GATA4: variants seen among roughly 807,000 people sequenced by gnomAD.
The protein encoded by GATA4 is GATA binding protein 4, also known as transcription factor GATA-4.
GATA4 carries 7 observed loss-of-function variants against 37.9 expected under a neutral mutation model. That is an observed-to-expected ratio of 0.18 (90% CI 0.11 to 0.35). The LOEUF is 0.35. Among genes scored for constraint, GATA4 ranks in the 10% least tolerant of loss-of-function variants. The pLI is 1.00. For missense variants in GATA4, 647 were observed against 653.0 expected (o/e 0.99, Z 0.10); for synonymous variants, 372 against 292.6 (o/e 1.27, Z -2.77).
At chr8:11,711,637 A>G (rs1005524159) in intron 2 of GATA4, among the ~76,000 whole-genome samples, 20 of 150,756 alleles carry the variant, frequency 1.3e-4, no homozygotes, top group African/African-American at 4.9e-4. Flanking sequence ...AAAATTAGCC[A>G]GGCTTGGGGT....
In GATA4 at chr8:11,708,162, A is replaced by T; in HGVS notation, c.-151A>T. On this transcript the variant is annotated 5_prime_UTR_variant, in exon 2 of 7. The change abolishes the stop of an existing upstream ORF in the 5' untranslated region. Transcript: ENST00000532059. This position sits in a 1 kb window ranked among gnomAD's most constrained non-coding sequence, Gnocchi z 6.7. ...CTGGATTTAATACGTATATATTTTT[A>T]AGCGAGTTGGTTTTTTCCCCTTTGA... The T allele has an allele frequency of 1.2e-6, 1 of 836,718 alleles. No individual in the cohort carries two copies. The highest frequency in any genetic ancestry group is 2.0e-6 in the Non-Finnish European group (1 of 511,102). 51.8% of individuals were successfully genotyped at this position (836,718 alleles called of 1,614,324 possible).
rs549680863 is a variant in GATA4, at chr8:11,741,511, G to A, written c.617-7405G>A. The stretch of plus-strand genomic sequence containing the variant: ...AAACAAACAAAAAAAGTCCCTGTGA[G>A]AGCAATGCAACAGTCCACAAGTTCG... On this transcript the variant is annotated intron_variant, in intron 2 of 6. Transcript: ENST00000532059. 2.5e-3 allele frequency among the ~76,000 whole-genome samples: 378 copies of A among 152,110 alleles called. 1 individual carries two copies. The highest frequency in any genetic ancestry group is 8.8e-3 in the African/African-American group (367 of 41,504).
At chr8:11,751,095 G>C (rs960684992) in intron 4 of GATA4, among the ~76,000 whole-genome samples, 2 of 152,140 alleles carry the variant, frequency 1.3e-5, no homozygotes, top group Admixed American at 6.5e-5. Flanking sequence ...AGCCATATAA[G>C]AATAGTTAGA....
At chr8:11,693,092 C>T in intron 1 of GATA4, 6 of 979,394 alleles carry the variant, frequency 6.1e-6, no homozygotes, top group Non-Finnish European at 7.3e-6. Context: ...AAATACATGG[C>T]TTTATTCCAC....
intron 2 of GATA4, among the ~76,000 whole-genome samples, chr8:11,730,139 C>G (rs1801134718): frequency 6.6e-6 from 1 of 152,192 alleles, no homozygotes; most frequent in Non-Finnish European, 1.5e-5. Context: ...GTCTTGAACT[C>G]ATGAGCTCAA....
chr8:11,693,556 C>CAGAGAGAGAGAGAGAG (rs1240189470), intron 1 of GATA4, among the ~76,000 whole-genome samples: 2 of 103,682 alleles, frequency 1.9e-5, no homozygotes, highest in African/African-American at 7.7e-5. Context: ...CACACACACA[C>CAGAGAGAGAGAGAGAG]ACACACAGAG....
At chr8:11,689,912 A>G (rs1022355833), upstream of GATA4, among the ~76,000 whole-genome samples, 26 of 152,212 alleles carry the variant, frequency 1.7e-4, no homozygotes, top group Admixed American at 1.4e-3. Flanking sequence ...GCATGTTGAA[A>G]TGGATAACAG....
chr8:11,696,170 A>G (rs1799502646), intron 1 of GATA4, among the ~76,000 whole-genome samples: 3 of 152,130 alleles, frequency 2.0e-5, no homozygotes, highest in African/African-American at 7.2e-5. Flanking sequence ...CTTTTAGTGT[A>G]CAGTTTTCAG....
intron 1 of GATA4, among the ~76,000 whole-genome samples, chr8:11,693,495 AG>A (rs760227640): frequency 3.6e-4 from 54 of 151,034 alleles, no homozygotes; most frequent in Non-Finnish European, 5.6e-4. Flanking sequence ...AGAGAGAGAG[AG>A]AAAAAAAGAG....
chr8:11,753,025 T>C (rs1802376764), intron 4 of GATA4, among the ~76,000 whole-genome samples: 1 of 152,120 alleles, frequency 6.6e-6, no homozygotes, highest in Non-Finnish European at 1.5e-5. Context: ...AAAAATAGAA[T>C]TACCACATGA....
intron 2 of GATA4, among the ~76,000 whole-genome samples, chr8:11,737,392 C>A (rs1170236098): frequency 6.6e-6 from 1 of 152,222 alleles, no homozygotes. Context: ...CCCTGCAGAC[C>A]CATTGTCTCG....
chr8:11,746,539 A>G (rs1468281296), intron 2 of GATA4, among the ~76,000 whole-genome samples: 1 of 152,238 alleles, frequency 6.6e-6, no homozygotes, highest in African/African-American at 2.4e-5. Flanking sequence ...CGAACACCCA[A>G]CAAAACGACG....
intron 2 of GATA4, among the ~76,000 whole-genome samples, chr8:11,713,700 T>C (rs944332748): frequency 7.2e-5 from 11 of 151,976 alleles, no homozygotes; most frequent in African/African-American, 2.7e-4. Flanking sequence ...GGTGAGCAGA[T>C]ATTAGATGTG....
intron 2 of GATA4, among the ~76,000 whole-genome samples, chr8:11,722,666 C>T (rs1181060026): frequency 6.6e-6 from 1 of 152,218 alleles, no homozygotes; most frequent in Non-Finnish European, 1.5e-5. Flanking sequence ...ACTGCCTTCT[C>T]TTCATGACAT....
At chr8:11,727,817 A>G (rs1801008877) in intron 2 of GATA4, among the ~76,000 whole-genome samples, 1 of 150,750 alleles carries the variant, frequency 6.6e-6, no homozygotes, top group African/African-American at 2.4e-5. Flanking sequence ...ACAGAGTGAG[A>G]CTCTGTCTCA....
At chr8:11,757,189 TGCAA>T in intron 6 of GATA4, 106 bp downstream of exon 6, 1 of 1,503,268 alleles carries the variant, frequency 6.7e-7, no homozygotes, top group Non-Finnish European at 9.0e-7. Context: ...GCCTCACAGG[TGCAA>T]GCAGTGAGCT....
chr8:11,735,877 A>G (rs995548721), intron 2 of GATA4, among the ~76,000 whole-genome samples: 1 of 151,894 alleles, frequency 6.6e-6, no homozygotes, highest in Non-Finnish European at 1.5e-5. Flanking sequence ...TTTTGTTTCT[A>G]CGTGACATTC....
In GATA4 at chr8:11,693,562, C is replaced by CACACAG. The variant is rs1405047773; in HGVS notation, c.-729+903_-729+904insCACAGA. ...ACACACACACACACACACACACACA[C>CACACAG]AGAGAGAGAGAGAGAGAGAGAGAGA... On this transcript the variant is annotated intron_variant, in intron 1 of 2. Coordinates refer to the GATA4 transcript ENST00000526974. 4.1e-3 allele frequency among the ~76,000 whole-genome samples: 294 copies of CACACAG among 72,190 alleles called. 1 individual carries two copies. The highest frequency in any genetic ancestry group is 0.014 in the African/African-American group (278 of 19,822). The allele number at this position is 72,190 out of a possible 152,430, so 47.4% of individuals were successfully genotyped here.
intron 1 of GATA4, among the ~76,000 whole-genome samples, chr8:11,685,032 G>C (rs1255761072): frequency 1.3e-5 from 2 of 152,168 alleles, no homozygotes; most frequent in African/African-American, 4.8e-5. Context: ...GAAATAATCA[G>C]AGATTCACAA....
Sources: gnomAD v4.1 joint callset for allele counts (sites outside exome capture counted in the v4.1 genomes callset) on GRCh38, gnomAD v4.1.1 for gene constraint, Gnocchi (gnomAD v3.1) non-coding constraint, MANE v1.5 for transcripts, NCBI Gene and HGNC (gene_info 2026-07-23, HGNC 2026-07-21) for gene names.